SCRN1: variants seen among roughly 807,000 people sequenced by gnomAD.
SCRN1 encodes secernin-1.
SCRN1 carries 19 observed loss-of-function variants against 43.3 expected under a neutral mutation model. The ratio of observed to expected loss-of-function variants is 0.44; its 90% CI spans 0.31 to 0.64. SCRN1 has a LOEUF of 0.64. SCRN1 is among the 30% of genes least tolerant of loss of function. SCRN1 has a pLI of 0.09. For synonymous variants in SCRN1, 183 were observed against 188.9 expected (o/e 0.97, Z 0.26); for missense variants, 447 against 524.1 (o/e 0.85, Z 1.44).
intron 1 of SCRN1, among the ~76,000 whole-genome samples, chr7:29,981,172 CTAAGTGCAA>C: frequency 6.6e-6 from 1 of 150,416 alleles, no homozygotes; most frequent in East Asian, 1.9e-4. Flanking sequence ...TAAGGCACTG[CTAAGTGCAA>C]TAAAAAAAAA....
chr7:29,962,253 TTAGA>T (rs1788349201), intron 2 of SCRN1, among the ~76,000 whole-genome samples: 1 of 147,922 alleles, frequency 6.8e-6, no homozygotes, highest in African/African-American at 2.5e-5. Context: ...TATATAATTA[TTAGA>T]TAATTGTTTA....
intron 6 of SCRN1, among the ~76,000 whole-genome samples, chr7:29,936,080 C>T (rs1387435401): frequency 6.6e-6 from 1 of 152,194 alleles, no homozygotes; most frequent in Non-Finnish European, 1.5e-5. Flanking sequence ...GGGGCCAGTA[C>T]ACTTGAAGTT....
rs1786809357 is a variant in SCRN1, at chr7:29,922,730, T to C, written c.*1227A>G. The C allele has an allele frequency of 6.6e-6, 1 of 152,264 alleles. No individual in the cohort carries two copies. The highest frequency in any genetic ancestry group is 1.5e-5 in the Non-Finnish European group (1 of 68,096). The allele number at this position is 152,264 out of a possible 1,614,324, so 9.4% of individuals were successfully genotyped here. On this transcript the variant is annotated 3_prime_UTR_variant, in exon 8 of 8. Transcript: ENST00000242059. ...GAAGTCAGCTGCTTTGTATTTGGGT[T>C]TGTGGGATGTAATGGCCTTGGCAGG...
chr7:29,977,882 C>T (rs1395096901), intron 1 of SCRN1, among the ~76,000 whole-genome samples: 1 of 152,266 alleles, frequency 6.6e-6, no homozygotes, highest in South Asian at 2.1e-4. Context: ...GCTCAGAATA[C>T]CATTTGGGAC....
chr7:29,929,776 G>A (rs1787098774), intron 6 of SCRN1, among the ~76,000 whole-genome samples: 1 of 152,244 alleles, frequency 6.6e-6, no homozygotes, highest in African/African-American at 2.4e-5. Context: ...TTTCTGTCAT[G>A]AAGCTTGTAA....
At chr7:29,979,937 A>T (rs1325207603) in intron 1 of SCRN1, among the ~76,000 whole-genome samples, 1 of 152,236 alleles carries the variant, frequency 6.6e-6, no homozygotes, top group Non-Finnish European at 1.5e-5. Context: ...AAATATAAAG[A>T]AAGGAAGAAA....
intron 2 of SCRN1, among the ~76,000 whole-genome samples, chr7:29,956,239 G>A (rs965825275): frequency 6.6e-6 from 1 of 152,174 alleles, no homozygotes; most frequent in Non-Finnish European, 1.5e-5. Flanking sequence ...CCAGGATGTG[G>A]GTAACCCTCA....
At position 29,969,315 on chromosome 7, in the gene SCRN1, C is replaced by T. The variant is rs773778427; in HGVS notation, c.-1-247G>A. 9.3e-4 allele frequency: 464 copies of T among 497,318 alleles called. 1 individual carries two copies. The highest frequency in any genetic ancestry group is 1.5e-3 in the Non-Finnish European group (414 of 276,120). 30.8% of individuals were successfully genotyped at this position (497,318 alleles called of 1,614,324 possible). On this transcript the variant is annotated intron_variant, in intron 1 of 7. Coordinates refer to ENST00000242059, the MANE Select transcript of SCRN1 (RefSeq NM_014766.5). ...AGCTCAGATTTGCAACAAACCACAGCGGCAGCCAAAAGTGCAGTGATGTGG... is the reference window on the plus strand; with the variant it reads ...AGCTCAGATTTGCAACAAACCACAGTGGCAGCCAAAAGTGCAGTGATGTGG...
intron 1 of SCRN1, among the ~76,000 whole-genome samples, chr7:29,982,828 G>C (rs1322241024): frequency 2.6e-5 from 4 of 151,586 alleles, no homozygotes; most frequent in Non-Finnish European, 5.9e-5. Flanking sequence ...CTCAATCAAG[G>C]GCAAGAAGTG....
At chr7:29,927,918 C>T (rs544645420) in intron 6 of SCRN1, among the ~76,000 whole-genome samples, 10 of 152,084 alleles carry the variant, frequency 6.6e-5, no homozygotes, top group African/African-American at 2.2e-4. Flanking sequence ...GTCAGGAGTT[C>T]GAGCCCAGCC....
intron 3 of SCRN1, among the ~76,000 whole-genome samples, chr7:29,952,048 C>T (rs1466154793): frequency 6.6e-6 from 1 of 152,178 alleles, no homozygotes; most frequent in Non-Finnish European, 1.5e-5. Flanking sequence ...GCAAGCAAGG[C>T]CAGAGAAAGT....
intron 1 of SCRN1, chr7:29,969,716 C>G: frequency 4.7e-6 from 2 of 427,284 alleles, no homozygotes; most frequent in South Asian, 3.3e-5. Context: ...ATGATCTTTT[C>G]TATCTGGGAA....
At chr7:29,966,227 G>A (rs1788493196) in intron 2 of SCRN1, among the ~76,000 whole-genome samples, 1 of 143,148 alleles carries the variant, frequency 7.0e-6, no homozygotes, top group South Asian at 2.3e-4. Flanking sequence ...TTATGGCCCA[G>A]CCCTGGAAGT....
At chr7:29,936,309 C>T (rs1227027889) in intron 6 of SCRN1, among the ~76,000 whole-genome samples, 1 of 152,136 alleles carries the variant, frequency 6.6e-6, no homozygotes, top group East Asian at 1.9e-4. Context: ...CAATTACTTT[C>T]GCACCAACCT....
intron 1 of SCRN1, among the ~76,000 whole-genome samples, chr7:29,982,682 CAAAAAAAAAAAA>C (rs10538004): frequency 3.1e-5 from 2 of 64,746 alleles, no homozygotes; most frequent in Non-Finnish European, 6.0e-5. Flanking sequence ...GACCCTGTCT[CAAAAAAAAAAAA>C]AAAAAAAAAA....
chr7:29,957,313 A>G lies in SCRN1; in HGVS notation c.160-1953T>C, dbSNP rs74710666. Reference sequence around the variant, plus strand: ...GGCAAAGGCGCGCACACAAATTCCTACGAGCCCAGGCCAGCTTCAGTGTCT... The same window carrying G: ...GGCAAAGGCGCGCACACAAATTCCTGCGAGCCCAGGCCAGCTTCAGTGTCT... On this transcript the variant is annotated intron_variant, in intron 2 of 7. Coordinates refer to ENST00000242059, the MANE Select transcript of SCRN1 (RefSeq NM_014766.5). Among the ~76,000 whole-genome samples, 600 of 152,296 alleles carry G rather than the reference A, an allele frequency of 3.9e-3. 4 individuals are homozygous for G. The highest frequency in any genetic ancestry group is 0.014 in the African/African-American group (585 of 41,574).
chr7:29,986,579 T>G (rs1338178225), intron 1 of SCRN1, among the ~76,000 whole-genome samples: 1 of 152,126 alleles, frequency 6.6e-6, no homozygotes, highest in Non-Finnish European at 1.5e-5. Flanking sequence ...AAAAAATAAC[T>G]TTTGTTTATC....
At chr7:29,928,262 C>A (rs1787036825) in intron 6 of SCRN1, among the ~76,000 whole-genome samples, 1 of 152,174 alleles carries the variant, frequency 6.6e-6, no homozygotes, top group Non-Finnish European at 1.5e-5. Context: ...TCAGGCCCCA[C>A]CCTGTCCTGC....
chr7:29,988,952 C>G (rs962408562), intron 1 of SCRN1: 14 of 152,332 alleles, frequency 9.2e-5, no homozygotes, highest in Admixed American at 7.8e-4. Flanking sequence ...AAGAGCGAGC[C>G]GAGGAGGCAG....
Sources: gnomAD v4.1 joint callset for allele counts (sites outside exome capture counted in the v4.1 genomes callset) on GRCh38, gnomAD v4.1.1 for gene constraint, MANE v1.5 for transcripts, NCBI Gene and HGNC (gene_info 2026-07-23, HGNC 2026-07-21) for gene names.